The following ZNF469 variants were observed in gnomAD, a reference collection of about 807,000 sequenced individuals.
The protein encoded by ZNF469 is zinc finger protein 469.
In ZNF469, 1 loss-of-function variant was observed where a neutral mutation model predicts 1.0. The observed-to-expected ratio is 1.00, with a 90% CI of 0.35 to 4.73. The LOEUF (loss-of-function observed/expected upper bound fraction) is 4.73. ZNF469 is among the 30% of genes most tolerant of loss of function. The pLI is 0.16. For synonymous variants in ZNF469, 2,703 were observed against 2,363.4 expected, an observed-to-expected ratio of 1.14 and a Z score of -4.17; for missense variants, 6,100 against 5,356.3, an observed-to-expected ratio of 1.14 and a Z score of -4.33.
At chr16:88,228,425 G>A in the ZNF469 span, among the ~76,000 whole-genome samples, 448 of 152,352 alleles carry the variant, frequency 2.9e-3, 1 homozygote, top group African/African-American at 9.5e-3. Flanking sequence ...GGACTACTGC[G>A]GGATTCCCGA....
intron 1 of ZNF469, among the ~76,000 whole-genome samples, chr16:88,397,125 A>G (rs913491786): frequency 7.9e-5 from 12 of 152,334 alleles, no homozygotes; most frequent in Admixed American, 2.6e-4. Flanking sequence ...ACGCTCCTGC[A>G]GGGAGGCTAA....
chr16:88,282,395 T>G, the ZNF469 span, among the ~76,000 whole-genome samples: 2 of 152,092 alleles, frequency 1.3e-5, no homozygotes, highest in Non-Finnish European at 2.9e-5. Context: ...GACCTGGGTG[T>G]GTCTGGGTGT....
upstream of ZNF469, among the ~76,000 whole-genome samples, chr16:88,378,051 G>C (rs1043399816): frequency 1.3e-5 from 2 of 152,072 alleles, no homozygotes; most frequent in Non-Finnish European, 2.9e-5. Context: ...GCACATACCT[G>C]TTATGTCCAA....
chr16:88,274,726 T>C, the ZNF469 span, among the ~76,000 whole-genome samples: 2 of 152,236 alleles, frequency 1.3e-5, no homozygotes, highest in African/African-American at 4.8e-5. Flanking sequence ...TCAGTTCAAT[T>C]CTGCTATTCA....
At chr16:88,379,860 A>G (rs1423963050), upstream of ZNF469, among the ~76,000 whole-genome samples, 1 of 152,106 alleles carries the variant, frequency 6.6e-6, no homozygotes, top group Non-Finnish European at 1.5e-5. Flanking sequence ...AGGCAGTCCC[A>G]CCTCGCGGGG....
the ZNF469 span, among the ~76,000 whole-genome samples, chr16:88,266,506 A>C: frequency 6.6e-5 from 10 of 152,212 alleles, no homozygotes; most frequent in African/African-American, 2.4e-4. Context: ...TGTAGAGGCG[A>C]ATTTCCAAGT....
At chr16:88,192,170 T>C in the ZNF469 span, 1 of 152,190 alleles carries the variant, frequency 6.6e-6, no homozygotes, top group Admixed American at 6.5e-5. Context: ...CCTCCAGAAC[T>C]ATGAGAAACA....
At chr16:88,193,930 G>C in the ZNF469 span, among the ~76,000 whole-genome samples, 3 of 152,144 alleles carry the variant, frequency 2.0e-5, no homozygotes, top group Non-Finnish European at 4.4e-5. Context: ...TGAGGGCTCT[G>C]CTTCTTAACC....
intron 1 of ZNF469, among the ~76,000 whole-genome samples, chr16:88,388,205 A>ACCCT: frequency 6.6e-6 from 1 of 152,240 alleles, no homozygotes; most frequent in African/African-American, 2.4e-5. Context: ...AGCTGTGCCC[A>ACCCT]GGGCTGCTCC....
the ZNF469 span, among the ~76,000 whole-genome samples, chr16:88,202,654 G>C: frequency 6.6e-6 from 1 of 152,112 alleles, no homozygotes; most frequent in Non-Finnish European, 1.5e-5. Flanking sequence ...TTCTGGAAGA[G>C]ACCTTAGGAA....
At chr16:88,292,160 G>T in the ZNF469 span, among the ~76,000 whole-genome samples, 46 of 152,198 alleles carry the variant, frequency 3.0e-4, 1 homozygote, top group Non-Finnish European at 1.9e-4. Flanking sequence ...CAGAGGGGGA[G>T]CCAGAAGGGG....
At chr16:88,140,038 A>T in the ZNF469 span, among the ~76,000 whole-genome samples, 1 of 152,264 alleles carries the variant, frequency 6.6e-6, no homozygotes, top group African/African-American at 2.4e-5. Flanking sequence ...AAGTGCAGTG[A>T]ACACAGAATC....
intron 1 of ZNF469, among the ~76,000 whole-genome samples, chr16:88,401,455 A>G (rs1599350501): frequency 7.1e-6 from 1 of 140,950 alleles, no homozygotes; most frequent in Non-Finnish European, 1.6e-5. Context: ...GAATGGATGG[A>G]TAGGTGGGTG....
At chr16:88,401,133 G>A (rs1359984520) in intron 1 of ZNF469, among the ~76,000 whole-genome samples, 1 of 152,128 alleles carries the variant, frequency 6.6e-6, no homozygotes, top group African/African-American at 2.4e-5. Context: ...CAGAAGACTG[G>A]GTACAGTTTC....
the ZNF469 span, among the ~76,000 whole-genome samples, chr16:88,170,774 G>A: frequency 6.6e-6 from 1 of 152,130 alleles, no homozygotes; most frequent in Admixed American, 6.5e-5. The surrounding 1 kb of genome is among the most constrained non-coding windows in gnomAD (Gnocchi z 4.2). Context: ...CTTTGCATAG[G>A]TACCCGTTGA....
chr16:88,180,628 G>T, the ZNF469 span, among the ~76,000 whole-genome samples: 5 of 152,078 alleles, frequency 3.3e-5, no homozygotes, highest in Non-Finnish European at 7.4e-5. Context: ...AAAAAAATTA[G>T]CCGGGCGTGG....
chr16:88,277,392 A>G, the ZNF469 span, among the ~76,000 whole-genome samples: 69 of 118,456 alleles, frequency 5.8e-4, 1 homozygote, highest in Middle Eastern at 5.7e-3. Flanking sequence ...CCACGCTGAC[A>G]CTCGGTCAGT....
At chr16:88,413,513 G>C (rs935788481) in intron 1 of ZNF469, among the ~76,000 whole-genome samples, 2 of 152,246 alleles carry the variant, frequency 1.3e-5, no homozygotes, top group Non-Finnish European at 2.9e-5. Flanking sequence ...TGGCAGCCCT[G>C]CTCAGCCCCA....
the ZNF469 span, among the ~76,000 whole-genome samples, chr16:88,120,214 T>A: frequency 1.3e-5 from 2 of 152,128 alleles, no homozygotes; most frequent in Non-Finnish European, 2.9e-5. Context: ...AGAGCAATCT[T>A]CAGGGGCAGC....
Sources: gnomAD v4.1 joint callset for allele counts (sites outside exome capture counted in the v4.1 genomes callset) on GRCh38, gnomAD v4.1.1 for gene constraint, Gnocchi (gnomAD v3.1) non-coding constraint, MANE v1.5 for transcripts, NCBI Gene and HGNC (gene_info 2026-07-23, HGNC 2026-07-21) for gene names.